The following GPHN variants were observed in gnomAD, a reference collection of about 807,000 sequenced individuals.
GPHN encodes the protein gephyrin.
GPHN carries 17 observed loss-of-function variants against 95.5 expected under a neutral mutation model. The ratio of observed to expected loss-of-function variants is 0.18; its 90% CI spans 0.12 to 0.27. GPHN has a LOEUF of 0.27. Among genes scored for constraint, GPHN ranks in the 10% least tolerant of loss-of-function variants. The probability of loss-of-function intolerance (pLI) is 1.00; values close to 1 mark genes in which losing one functional copy is unlikely to be tolerated. For synonymous variants in GPHN, 320 were observed against 322.5 expected, an observed-to-expected ratio of 0.99 and a Z score of 0.08; for missense variants, 660 against 978.1, an observed-to-expected ratio of 0.67 and a Z score of 4.34.
At chr14:66,946,439 T>G (rs2067756155) in intron 8 of GPHN, among the ~76,000 whole-genome samples, 1 of 152,124 alleles carries the variant, frequency 6.6e-6, no homozygotes, top group African/African-American at 2.4e-5. Context: ...AGAGTCTCAC[T>G]CTTTTTGCCC....
chr14:67,653,509 A>G, the GPHN span: 1 of 1,611,712 alleles, frequency 6.2e-7, no homozygotes, highest in Non-Finnish European at 8.5e-7. Flanking sequence ...CTGAGAAGAG[A>G]AAATAGTGAT....
chr14:66,895,396 A>G (rs891276773), intron 5 of GPHN, among the ~76,000 whole-genome samples: 1 of 152,200 alleles, frequency 6.6e-6, no homozygotes, highest in African/African-American at 2.4e-5. Context: ...ATTAGGAGAT[A>G]TACCTAATGT....
At chr14:66,907,564 T>C (rs1567086999) in intron 5 of GPHN, among the ~76,000 whole-genome samples, 2 of 148,506 alleles carry the variant, frequency 1.3e-5, no homozygotes, top group South Asian at 4.2e-4. Context: ...GCTTAATATA[T>C]GCAAATTGCA....
the GPHN span, among the ~76,000 whole-genome samples, chr14:67,310,820 G>C: frequency 6.6e-6 from 1 of 151,930 alleles, no homozygotes; most frequent in Non-Finnish European, 1.5e-5. Flanking sequence ...TTTTTAAAAA[G>C]CCATTTATCT....
chr14:67,564,745 A>G, the GPHN span, among the ~76,000 whole-genome samples: 1 of 147,030 alleles, frequency 6.8e-6, no homozygotes, highest in Non-Finnish European at 1.5e-5. Flanking sequence ...CTGGAGTGCA[A>G]TGGTGCAATC....
In GPHN at chr14:67,077,308, C is replaced by T. The variant is rs182318119; in HGVS notation, c.1145-11675C>T. Among the ~76,000 whole-genome samples the T allele has an allele frequency of 3.3e-5, 5 of 152,152 alleles. No homozygotes were observed. In the South Asian group the frequency reaches 6.2e-4, roughly 19 times the overall value. On this transcript the variant is annotated intron_variant, in intron 11 of 22. Transcript: ENST00000478722. ...AGGCTTTGTGTTAGATGATTCTGCC[C>T]AACTGTATGTTAATGTAAGCATCCC... is the stretch of plus-strand genomic sequence containing the variant.
At chr14:67,674,211 T>C in the GPHN span, among the ~76,000 whole-genome samples, 1 of 152,144 alleles carries the variant, frequency 6.6e-6, no homozygotes, top group Non-Finnish European at 1.5e-5. Context: ...TTACTCTCAG[T>C]GGCAGCAGGG....
At chr14:66,723,340 G>A (rs549556247) in intron 2 of GPHN, among the ~76,000 whole-genome samples, 3 of 150,726 alleles carry the variant, frequency 2.0e-5, no homozygotes, top group African/African-American at 4.9e-5. Flanking sequence ...TAACCTTTTG[G>A]TTATAAAAGG....
chr14:66,740,611 G>C (rs2072719129), intron 2 of GPHN, among the ~76,000 whole-genome samples: 1 of 150,704 alleles, frequency 6.6e-6, no homozygotes, highest in Admixed American at 6.6e-5. Context: ...ATGTATTCTA[G>C]AACTTTTCTG....
intron 1 of GPHN, among the ~76,000 whole-genome samples, chr14:66,582,600 G>T (rs2061235787): frequency 6.8e-6 from 1 of 147,528 alleles, no homozygotes; most frequent in Non-Finnish European, 1.5e-5. Context: ...TGTTCTCATT[G>T]TTCAATTCCC....
the GPHN span, among the ~76,000 whole-genome samples, chr14:67,370,591 C>A: frequency 2.6e-5 from 4 of 152,210 alleles, no homozygotes; most frequent in East Asian, 7.7e-4. Flanking sequence ...AATTTTATGC[C>A]AATCATCTCA....
At chr14:66,580,062 A>G (rs2061090582) in intron 1 of GPHN, among the ~76,000 whole-genome samples, 1 of 151,894 alleles carries the variant, frequency 6.6e-6, no homozygotes, top group East Asian at 1.9e-4. Flanking sequence ...AATCATTAAT[A>G]GGAAGAATTT....
rs190729360 is a variant in GPHN at position 66,509,641 on chromosome 14, A to G, written c.64+1050A>G. Among the ~76,000 whole-genome samples, 283 of 152,226 alleles carry G rather than the reference A, an allele frequency of 1.9e-3. 1 individual carries two copies. Among genetic ancestry groups the G allele is most frequent in the African/African-American group, 6.6e-3 (275 of 41,548 alleles). ...GTGGCGAGACGGGGGTTAAAGAACT[A>G]TATTTGGAATCTGAGGGCTTAGTTT... On this transcript the variant is annotated intron_variant, in intron 1 of 22. Coordinates refer to ENST00000478722, the MANE Select transcript of GPHN (RefSeq NM_020806.5).
intron 1 of GPHN, among the ~76,000 whole-genome samples, chr14:66,531,020 A>G (rs1443910490): frequency 3.0e-5 from 4 of 135,274 alleles, no homozygotes; most frequent in African/African-American, 5.8e-5. Context: ...CAGTGGTGCT[A>G]TCTCAGCTCA....
At chr14:67,230,304 A>T in the GPHN span, among the ~76,000 whole-genome samples, 2,407 of 152,242 alleles carry the variant, frequency 0.016, 70 homozygotes, top group African/African-American at 0.054. Context: ...GATCAGCTGG[A>T]TGTGGTCTCT....
chr14:66,974,749 C>T (rs1249041584), intron 9 of GPHN, among the ~76,000 whole-genome samples: 1 of 152,020 alleles, frequency 6.6e-6, no homozygotes, highest in Non-Finnish European at 1.5e-5. Flanking sequence ...TGCTATGTAT[C>T]ATTCTCTTAT....
chr14:67,576,042 G>C, the GPHN span: 1 of 1,500,306 alleles, frequency 6.7e-7, no homozygotes, highest in Non-Finnish European at 9.1e-7. This position sits in a 1 kb window ranked among gnomAD's most constrained non-coding sequence, Gnocchi z 4.0. Flanking sequence ...GCCAAGCTTG[G>C]ACCTGTGATT....
chr14:66,769,275 A>G lies in GPHN; in HGVS notation c.144-7189A>G, dbSNP rs867759840. On this transcript the variant is annotated intron_variant, in intron 2 of 22. Transcript: ENST00000478722. ...CTTATCTGATATAGTTTTAAAAAGT[A>G]TTTTTAAATATTTGAGCCTATGTAG... Among the ~76,000 whole-genome samples, 3 of 152,074 alleles carry G rather than the reference A, an allele frequency of 2.0e-5. No individual in the cohort carries two copies. The South Asian group carries it at 6.2e-4, about 31-fold the overall frequency.
At chr14:67,089,114 TATTTTTTTTTCTTTTTTTC>T in intron 12 of GPHN, 39 bp downstream of exon 12, 1 of 764,228 alleles carries the variant, frequency 1.3e-6, no homozygotes, top group Non-Finnish European at 2.2e-6. Flanking sequence ...TCAGGCACTG[TATTTTTTTTTCTTTTTTTC>T]TTTTTTTTTT....
Sources: gnomAD v4.1 joint callset for allele counts (sites outside exome capture counted in the v4.1 genomes callset) on GRCh38, gnomAD v4.1.1 for gene constraint, Gnocchi (gnomAD v3.1) non-coding constraint, MANE v1.5 for transcripts, NCBI Gene and HGNC (gene_info 2026-07-23, HGNC 2026-07-21) for gene names.